The following HS3ST5 variants were observed in gnomAD, a reference collection of about 807,000 sequenced individuals.
HS3ST5 encodes heparan sulfate-glucosamine 3-sulfotransferase 5.
In HS3ST5, 10 loss-of-function variants were observed where a neutral mutation model predicts 25.4. The ratio of observed to expected loss-of-function variants is 0.39; its 90% CI spans 0.24 to 0.67. HS3ST5 has a LOEUF of 0.67. Ranked by LOEUF, HS3ST5 falls within the 30% of genes least tolerant of loss-of-function variation. HS3ST5 has a pLI of 0.44. For missense variants in HS3ST5, 324 were observed against 420.7 expected, an observed-to-expected ratio of 0.77 and a Z score of 2.01; for synonymous variants, 170 against 162.4, an observed-to-expected ratio of 1.05 and a Z score of -0.36.
intron 2 of HS3ST5, among the ~76,000 whole-genome samples, chr6:114,202,414 C>T (rs957582097): frequency 6.6e-6 from 1 of 152,130 alleles, no homozygotes; most frequent in Non-Finnish European, 1.5e-5. Flanking sequence ...TCTCCCCTCC[C>T]CTCTAAAATA....
intron 3 of HS3ST5, among the ~76,000 whole-genome samples, chr6:114,121,043 C>T (rs1776760693): frequency 6.6e-6 from 1 of 152,152 alleles, no homozygotes; most frequent in Middle Eastern, 3.2e-3. Context: ...TGAATTGCTT[C>T]CCTATGAGCA....
intron 1 of HS3ST5, among the ~76,000 whole-genome samples, chr6:114,237,547 T>A (rs1367472217): frequency 2.6e-5 from 4 of 152,196 alleles, no homozygotes; most frequent in South Asian, 4.1e-4. Flanking sequence ...CCAGTCCCCA[T>A]CCTCACAGAT....
intron 3 of HS3ST5, chr6:114,116,179 T>A (rs1333088415): frequency 6.6e-6 from 1 of 152,096 alleles, no homozygotes; most frequent in Non-Finnish European, 1.5e-5. Context: ...ATGAGACTGC[T>A]GGTAAGAACT....
At chr6:114,227,475 C>T (rs1223981964) in intron 2 of HS3ST5, among the ~76,000 whole-genome samples, 1 of 151,684 alleles carries the variant, frequency 6.6e-6, no homozygotes, top group Middle Eastern at 3.3e-3. Context: ...AACACTTTCA[C>T]TGAAATAAAA....
chr6:114,239,921 A>G (rs1351880503), intron 1 of HS3ST5, among the ~76,000 whole-genome samples: 1 of 152,080 alleles, frequency 6.6e-6, no homozygotes, highest in African/African-American at 2.4e-5. Context: ...GGGGATATAA[A>G]GATTCTTAGA....
chr6:114,244,220 A>AT (rs1772276621), intron 1 of HS3ST5, among the ~76,000 whole-genome samples: 1 of 152,336 alleles, frequency 6.6e-6, no homozygotes, highest in South Asian at 2.1e-4. Flanking sequence ...ATTCACTATT[A>AT]TTTTTTAGCA....
chr6:114,298,662 G>A (rs1034511034), intron 1 of HS3ST5, among the ~76,000 whole-genome samples: 3 of 152,198 alleles, frequency 2.0e-5, no homozygotes, highest in Admixed American at 6.5e-5. Flanking sequence ...TGGGGGGACC[G>A]GCTGAAGCCA....
chr6:114,128,666 A>G (rs1777166734), intron 3 of HS3ST5, among the ~76,000 whole-genome samples: 1 of 152,254 alleles, frequency 6.6e-6, no homozygotes. Context: ...TAGATTTTAC[A>G]ACTTGTATTT....
chr6:114,128,220 C>T (rs299410), intron 3 of HS3ST5, among the ~76,000 whole-genome samples: 114,950 of 152,016 alleles, frequency 0.76, 43,780 homozygotes, highest in Admixed American at 0.82. Context: ...ACTTAAATAA[C>T]TGACATTTTA....
At chr6:114,129,251 C>CTTTTTT (rs398048772) in intron 3 of HS3ST5, among the ~76,000 whole-genome samples, 30 of 98,042 alleles carry the variant, frequency 3.1e-4, no homozygotes, top group Non-Finnish European at 4.1e-4. Context: ...CAACAAGAAC[C>CTTTTTT]TTTTTTTTTT....
intron 1 of HS3ST5, among the ~76,000 whole-genome samples, chr6:114,250,397 C>T (rs906899640): frequency 5.9e-5 from 9 of 152,080 alleles, no homozygotes; most frequent in Non-Finnish European, 7.4e-5. Context: ...CTGGCTAACA[C>T]GGTGAAACCC....
chr6:114,266,729 T>C (rs1773419060), intron 1 of HS3ST5, among the ~76,000 whole-genome samples: 1 of 152,206 alleles, frequency 6.6e-6, no homozygotes, highest in South Asian at 2.1e-4. Context: ...TTTTTGCAAA[T>C]AATATGTTTG....
At chr6:114,278,035 G>C (rs975388917) in intron 1 of HS3ST5, among the ~76,000 whole-genome samples, 2 of 151,954 alleles carry the variant, frequency 1.3e-5, no homozygotes, top group Non-Finnish European at 2.9e-5. Flanking sequence ...TGGGCTTTGA[G>C]GGGGCAGGTT....
intron 1 of HS3ST5, among the ~76,000 whole-genome samples, chr6:114,314,174 C>T (rs527800710): frequency 1.2e-4 from 19 of 152,098 alleles, no homozygotes; most frequent in African/African-American, 3.6e-4. Flanking sequence ...GTGATCCACC[C>T]GCCTCGGCCT....
At position 114,147,961 on chromosome 6, in the gene HS3ST5, G is replaced by A. The variant is rs112050295; in HGVS notation, c.-33+20390C>T. Among the ~76,000 whole-genome samples, 709 of 152,170 alleles carry A rather than the reference G, an allele frequency of 4.7e-3. 9 individuals carry two copies. The highest frequency in any genetic ancestry group is 0.014 in the African/African-American group (596 of 41,516). Reference sequence around the variant, plus strand: ...CATATATATCCTCCTTCATCCGAATGCATAAAATTATAATTTCAGAATGAT... The same window carrying A: ...CATATATATCCTCCTTCATCCGAATACATAAAATTATAATTTCAGAATGAT... On this transcript the variant is annotated intron_variant, in intron 3 of 4. Transcript: ENST00000312719.
At chr6:114,081,151 G>T (rs1191387869) in intron 3 of HS3ST5, among the ~76,000 whole-genome samples, 1 of 152,092 alleles carries the variant, frequency 6.6e-6, no homozygotes, top group East Asian at 1.9e-4. Context: ...TGTCTTATGT[G>T]GGTGTAGTTT....
chr6:114,200,479 G>A (rs1037157105), intron 2 of HS3ST5, among the ~76,000 whole-genome samples: 3 of 152,124 alleles, frequency 2.0e-5, no homozygotes, highest in African/African-American at 4.8e-5. Context: ...TGCCTGTAAC[G>A]AGCATCACAT....
chr6:114,295,545 A>G (rs560040318), intron 1 of HS3ST5, among the ~76,000 whole-genome samples: 4 of 152,206 alleles, frequency 2.6e-5, no homozygotes, highest in East Asian at 1.9e-4. Context: ...AGAAACTGAC[A>G]TATCTAGATA....
At chr6:114,076,982 TA>T in intron 3 of HS3ST5, among the ~76,000 whole-genome samples, 1 of 152,346 alleles carries the variant, frequency 6.6e-6, no homozygotes, top group Middle Eastern at 3.4e-3. Context: ...AAAAGGTTGA[TA>T]AATTATACAG....
Sources: allele counts gnomAD v4.1 joint callset (sites outside exome capture counted in the v4.1 genomes callset), GRCh38; gene constraint gnomAD v4.1.1; transcripts MANE v1.5; gene names NCBI Gene and HGNC (gene_info 2026-07-23, HGNC 2026-07-21).